PCTP: variants seen among roughly 807,000 people sequenced by gnomAD.
PCTP encodes the protein START domain-containing protein 2.
In PCTP, 27 loss-of-function variants were observed where a neutral mutation model predicts 31.0. The ratio of observed to expected loss-of-function variants is 0.87; its 90% CI spans 0.64 to 1.20. The LOEUF is 1.20. PCTP is among the 50% of genes most tolerant of loss of function. PCTP has a pLI of 0.00. For missense variants in PCTP, 287 were observed against 268.2 expected (o/e 1.07, Z -0.49); for synonymous variants, 108 against 101.2 (o/e 1.07, Z -0.40).
chr17:55,765,859 C>G (rs1313426564), intron 1 of PCTP, among the ~76,000 whole-genome samples: 3 of 152,166 alleles, frequency 2.0e-5, no homozygotes, highest in Non-Finnish European at 2.9e-5. Flanking sequence ...ATCCAGAGTT[C>G]TCCAGACCCC....
chr17:55,835,363 C>T (rs751266160), intron 5 of PCTP, among the ~76,000 whole-genome samples: 2 of 152,226 alleles, frequency 1.3e-5, no homozygotes, highest in Non-Finnish European at 2.9e-5. Context: ...AGCCTAAACT[C>T]CTGCAGTCCC....
chr17:55,805,917 T>TGTGTGTGTGTGTGTG (rs1159147410), intron 3 of PCTP, among the ~76,000 whole-genome samples: 6 of 151,622 alleles, frequency 4.0e-5, no homozygotes, highest in African/African-American at 7.3e-5. Context: ...TGTGTGTGTG[T>TGTGTGTGTGTGTGTG]TTGACTTTAG....
chr17:55,834,418 C>G (rs1423822215), intron 5 of PCTP, among the ~76,000 whole-genome samples: 4 of 152,176 alleles, frequency 2.6e-5, no homozygotes, highest in African/African-American at 9.7e-5. Context: ...CTGGCTTTCT[C>G]TGCCTCTCAG....
chr17:55,788,176 A>ATT (rs1004804566), intron 3 of PCTP, among the ~76,000 whole-genome samples: 5 of 152,226 alleles, frequency 3.3e-5, no homozygotes, highest in African/African-American at 1.2e-4. Flanking sequence ...ACCAACCAAA[A>ATT]TGAAGGACTT....
chr17:55,852,700 T>C, the PCTP span, among the ~76,000 whole-genome samples: 1 of 136,158 alleles, frequency 7.3e-6, no homozygotes, highest in Non-Finnish European at 1.5e-5. Context: ...TAAACAGCTC[T>C]GCAGATCTCC....
intron 1 of PCTP, among the ~76,000 whole-genome samples, chr17:55,754,175 C>T (rs1909865542): frequency 6.6e-6 from 1 of 152,064 alleles, no homozygotes; most frequent in African/African-American, 2.4e-5. Flanking sequence ...TGTCAGATCC[C>T]GTAGGTTGAG....
intron 3 of PCTP, among the ~76,000 whole-genome samples, chr17:55,772,172 A>G (rs765789038): frequency 3.9e-5 from 6 of 152,194 alleles, no homozygotes; most frequent in Non-Finnish European, 7.3e-5. Context: ...GGAGAAAGGA[A>G]CCCAGTGACA....
At chr17:55,839,919 C>CAAAAAAAAAAAA (rs57402824) in intron 5 of PCTP, among the ~76,000 whole-genome samples, 223 of 12,490 alleles carry the variant, frequency 0.018, 6 homozygotes, top group Non-Finnish European at 0.028. Flanking sequence ...GACTCAGTCT[C>CAAAAAAAAAAAA]AAAAAAAAAA....
chr17:55,804,487 G>A (rs191598683), intron 3 of PCTP, among the ~76,000 whole-genome samples: 3 of 152,262 alleles, frequency 2.0e-5, no homozygotes, highest in Admixed American at 2.0e-4. Flanking sequence ...ATGATAGACT[G>A]GATAAAGAAA....
intron 1 of PCTP, among the ~76,000 whole-genome samples, chr17:55,756,133 C>T (rs1910003508): frequency 6.6e-6 from 1 of 152,184 alleles, no homozygotes; most frequent in East Asian, 1.9e-4. Context: ...AGATATTCAT[C>T]AACTGCCTCC....
intron 5 of PCTP, among the ~76,000 whole-genome samples, chr17:55,835,790 T>C (rs1598023624): frequency 6.6e-6 from 1 of 152,176 alleles, no homozygotes; most frequent in Non-Finnish European, 1.5e-5. Context: ...GCAGATTGAC[T>C]AGTAGGACGT....
At chr17:55,850,238 T>C in the PCTP span, among the ~76,000 whole-genome samples, 1 of 152,188 alleles carries the variant, frequency 6.6e-6, no homozygotes, top group African/African-American at 2.4e-5. Context: ...TCTTAAGTTG[T>C]ATCACTGTAA....
At chr17:55,852,273 T>C in the PCTP span, among the ~76,000 whole-genome samples, 1 of 152,182 alleles carries the variant, frequency 6.6e-6, no homozygotes, top group African/African-American at 2.4e-5. Context: ...TCAGCATAAT[T>C]TCATTGAATA....
At chr17:55,832,363 A>G (rs1365644156) in intron 5 of PCTP, among the ~76,000 whole-genome samples, 1 of 152,192 alleles carries the variant, frequency 6.6e-6, no homozygotes, top group Non-Finnish European at 1.5e-5. Context: ...TAAAATGGCT[A>G]CTGCCTCAGG....
chr17:55,815,985 A>G (rs1912901555), intron 3 of PCTP, among the ~76,000 whole-genome samples: 1 of 152,178 alleles, frequency 6.6e-6, no homozygotes, highest in African/African-American at 2.4e-5. Context: ...TTCCCTTGGC[A>G]TTTCGTGGTA....
intron 1 of PCTP, among the ~76,000 whole-genome samples, chr17:55,754,563 T>C (rs1050199165): frequency 1.3e-5 from 2 of 152,166 alleles, no homozygotes; most frequent in African/African-American, 4.8e-5. Context: ...TAGGCATGAT[T>C]GAAGCATGGA....
rs1910289717 is a variant in PCTP, at chr17:55,760,595, G to T, written c.142-6740G>T. Among the ~76,000 whole-genome samples the T allele has an allele frequency of 2.0e-5, 3 of 152,160 alleles. No homozygotes were observed. In the South Asian group the frequency reaches 6.2e-4, roughly 31 times the overall value. ...TTCTGATTTATGAGACAGCACTTTGGAATAGTATATGGAAAAACTTGGCAC... is the reference window on the plus strand; with the variant it reads ...TTCTGATTTATGAGACAGCACTTTGTAATAGTATATGGAAAAACTTGGCAC... On this transcript the variant is annotated intron_variant, in intron 1 of 5. Coordinates refer to ENST00000268896, the MANE Select transcript of PCTP (RefSeq NM_021213.4).
intron 3 of PCTP, among the ~76,000 whole-genome samples, chr17:55,820,326 T>C (rs1423173913): frequency 6.6e-6 from 1 of 152,214 alleles, no homozygotes; most frequent in East Asian, 1.9e-4. Context: ...GTAATTTATA[T>C]AAGTAATAGA....
rs751553532 is a variant in PCTP, at chr17:55,776,134, G to A, written c.*34G>A. ...ACTGGGAACATTGCATCCATGGGTT[G>A]ATGTCTCTGGAAGTGCAACCACCCA... On this transcript the variant is annotated 3_prime_UTR_variant, in exon 6 of 6. Coordinates refer to ENST00000268896, the MANE Select transcript of PCTP (RefSeq NM_021213.4). 2 of 1,612,118 alleles carry A rather than the reference G, an allele frequency of 1.2e-6. No individual in the cohort carries two copies. Among genetic ancestry groups the A allele is most frequent in the Non-Finnish European group, 1.7e-6 (2 of 1,179,134 alleles).
Sources: gnomAD v4.1 joint callset for allele counts (sites outside exome capture counted in the v4.1 genomes callset) on GRCh38, gnomAD v4.1.1 for gene constraint, MANE v1.5 for transcripts, NCBI Gene and HGNC (gene_info 2026-07-23, HGNC 2026-07-21) for gene names.